The following ATP2A1 variants were observed in gnomAD, a reference collection of about 807,000 sequenced individuals.
The protein encoded by ATP2A1 is ATPase sarcoplasmic/endoplasmic reticulum Ca2+ transporting 1.
A neutral mutation model predicts 109.5 loss-of-function variants in ATP2A1; 83 were observed. The observed-to-expected ratio is 0.76, with a 90% CI of 0.63 to 0.91. ATP2A1 has a LOEUF of 0.91. Among genes scored for constraint, ATP2A1 ranks in the 40% least tolerant of loss-of-function variants. The pLI is 0.00. For missense variants in ATP2A1, 1,101 were observed against 1,341.0 expected, an observed-to-expected ratio of 0.82 and a Z score of 2.80; for synonymous variants, 505 against 537.6, an observed-to-expected ratio of 0.94 and a Z score of 0.84.
chr16:28,896,963 C>T (rs1389089275), intron 12 of ATP2A1, among the ~76,000 whole-genome samples: 1 of 151,878 alleles, frequency 6.6e-6, no homozygotes, highest in Non-Finnish European at 1.5e-5. Flanking sequence ...TGCCTGTAAT[C>T]CCAGCTACTT....
chr16:28,898,187 C>T lies in ATP2A1; in HGVS notation c.1546-46C>T, dbSNP rs1963970378. 2 of 1,614,168 alleles carry T rather than the reference C, an allele frequency of 1.2e-6. No individual in the cohort carries two copies. Among genetic ancestry groups the T allele is most frequent in the Non-Finnish European group, 8.5e-7 (1 of 1,180,014 alleles). On this transcript the variant is annotated intron_variant, in intron 13 of 22. Transcript: ENST00000395503. The surrounding 1 kb of genome is among the most constrained non-coding windows in gnomAD (Gnocchi z 4.0). ...CCTACTCCTAGCCACCTGTCACTGC[C>T]CTGGAAGGAAAGTGGTGGTCTCTGA...
chr16:28,900,477 ACCACTTCCTGACCTTTCACCCCAT>A, intron 14 of ATP2A1, 80 bp from the exon 15 acceptor site: 3 of 360,978 alleles, frequency 8.3e-6, no homozygotes, highest in Non-Finnish European at 1.3e-5. Context: ...ACCCCTCCCC[ACCACTTCCTGACCTTTCACCCCAT>A]CCCCACCCCC....
At chr16:28,884,491 G>A (rs1476456247) in intron 5 of ATP2A1, 84 bp from the exon 6 acceptor site, 12 of 1,309,430 alleles carry the variant, frequency 9.2e-6, no homozygotes, top group East Asian at 4.7e-5. Flanking sequence ...TGAGGAGAAC[G>A]AGTCAGACAC....
At position 28,902,856 on chromosome 16, in the gene ATP2A1, A is replaced by G. The variant is rs1210771990; in HGVS notation, c.2689A>G (p.Met897Val). The change falls in exon 19 of 23, where the codon ATG (methionine) becomes GTG (valine). Residue 897 changes from methionine (M) to valine (V), a missense_variant. By Grantham distance (21) the Met-to-Val change is conservative (BLOSUM62 1). Transcript: ENST00000395503. This position sits in a 1 kb window ranked among gnomAD's most constrained non-coding sequence, Gnocchi z 4.8. The part of the protein sequence containing the change: ...DCEVFEAPEP[M>V]TMALSVLVTI... ...TGAGGTCTTCGAGGCCCCCGAGCCC[A>G]TGACCATGGCCCTGTCCGTGCTGGT... 4.3e-6 allele frequency: 7 copies of G among 1,613,934 alleles called. No homozygotes were observed. The highest frequency in any genetic ancestry group is 5.9e-6 in the Non-Finnish European group (7 of 1,179,942).
At chr16:28,882,621 G>A (rs1234151501) in intron 5 of ATP2A1, 32 bp downstream of exon 5, 2 of 1,612,836 alleles carry the variant, frequency 1.2e-6, no homozygotes, top group African/African-American at 1.3e-5. Flanking sequence ...TCCAGGATGG[G>A]AGGCCTTGGG....
rs1043094049 is a variant in ATP2A1, at chr16:28,880,419, G to A, written c.220-496G>A. Among the ~76,000 whole-genome samples, 1 of 152,238 alleles carries A rather than the reference G, an allele frequency of 6.6e-6. No individual in the cohort carries two copies. The highest frequency in any genetic ancestry group is 1.5e-5 in the Non-Finnish European group (1 of 68,044). ...CCTTGACATTTGCCTGCTGCCTGGCGGTGGCAACAGCTGGGGCGGGGCGCG... is the reference window on the plus strand; with the variant it reads ...CCTTGACATTTGCCTGCTGCCTGGCAGTGGCAACAGCTGGGGCGGGGCGCG... On this transcript the variant is annotated intron_variant, in intron 3 of 22. Transcript: ENST00000395503. This position sits in a 1 kb window ranked among gnomAD's most constrained non-coding sequence, Gnocchi z 4.2.
intron 3 of ATP2A1, 51 bp downstream of exon 3, chr16:28,879,634 C>T (rs909302242): frequency 1.3e-6 from 2 of 1,555,934 alleles, no homozygotes; most frequent in Non-Finnish European, 1.8e-6. Flanking sequence ...AGGCTGGGAT[C>T]GGGCGAATGC....
chr16:28,887,119 GAGTT>G lies in ATP2A1; in HGVS notation c.545-67_545-64del. 2.0e-6 allele frequency: 3 copies of G among 1,501,294 alleles called. No individual in the cohort carries two copies. In the East Asian group the frequency reaches 6.8e-5, roughly 34 times the overall value. The allele number at this position is 1,501,294 out of a possible 1,614,324, so 93.0% of individuals were successfully genotyped here. A position where few individuals can be genotyped will look rare whatever the true frequency, so the allele number is the denominator to read the frequency against. Reference sequence around the variant, plus strand: ...GGAGCTGTCCTGCTGAGCAGGGAGAGAGTTAGGCACGGGAAGCCTGGGAGAAGGA... The same window carrying G: ...GGAGCTGTCCTGCTGAGCAGGGAGAGAGGCACGGGAAGCCTGGGAGAAGGA... On this transcript the variant is annotated intron_variant, in intron 6 of 22. Coordinates refer to ENST00000395503, the MANE Select transcript of ATP2A1 (RefSeq NM_004320.6).
At position 28,882,470 on chromosome 16, in the gene ATP2A1, C is replaced by CCAT; in HGVS notation, c.346_348dup (p.Ile116dup). 1 of 1,614,176 alleles carries CCAT rather than the reference C, an allele frequency of 6.2e-7. No individual in the cohort carries two copies. The highest frequency in any genetic ancestry group is 8.5e-7 in the Non-Finnish European group (1 of 1,180,038). ...CCTCAGGAGCGGAACGCAGAGAACG[C>CCAT]CATCGAGGCCCTGAAGGAGTATGAG... is the stretch of plus-strand genomic sequence containing the variant. On this transcript the variant is annotated inframe_insertion, in exon 5 of 23. Coordinates refer to ENST00000395503, the MANE Select transcript of ATP2A1 (RefSeq NM_004320.6).
At position 28,883,593 on chromosome 16, in the gene ATP2A1, G is replaced by A. The variant is rs116678982; in HGVS notation, c.464-982G>A. Among the ~76,000 whole-genome samples, 774 of 152,222 alleles carry A rather than the reference G, an allele frequency of 5.1e-3. 7 individuals carry two copies. Among genetic ancestry groups the A allele is most frequent in the African/African-American group, 0.018 (742 of 41,510 alleles). ...TGGGACCAGTGCGGAATTAGGCAGC[G>A]GCCCTGGGAGATTCTTAGCCTCCTC... On this transcript the variant is annotated intron_variant, in intron 5 of 22. Coordinates refer to ENST00000395503, the MANE Select transcript of ATP2A1 (RefSeq NM_004320.6). This position sits in a 1 kb window ranked among gnomAD's most constrained non-coding sequence, Gnocchi z 5.2.
At position 28,894,490 on chromosome 16, in the gene ATP2A1, T is replaced by C; in HGVS notation, c.1185-15T>C. The C allele has an allele frequency of 6.2e-7, 1 of 1,612,434 alleles. No individual in the cohort carries two copies. Among genetic ancestry groups the C allele is most frequent in the Non-Finnish European group, 8.5e-7 (1 of 1,179,360 alleles). On this transcript the variant is annotated splice_polypyrimidine_tract_variant and intron_variant, in intron 10 of 22. Coordinates refer to ENST00000395503, the MANE Select transcript of ATP2A1 (RefSeq NM_004320.6). ...CCACTGTCTCTGTCCCTTCCTCCCC[T>C]GACCCTGCTGCCAGCTTGAAGAATG...
At chr16:28,884,249 G>A (rs867006365) in intron 5 of ATP2A1, among the ~76,000 whole-genome samples, 1 of 152,240 alleles carries the variant, frequency 6.6e-6, no homozygotes, top group Middle Eastern at 3.4e-3. Context: ...CATTTATTGA[G>A]CATGTACTAT....
intron 7 of ATP2A1, 74 bp from the exon 8 acceptor site, chr16:28,887,351 A>G (rs773775957): frequency 3.1e-6 from 5 of 1,612,446 alleles, no homozygotes; most frequent in Admixed American, 3.3e-5. Context: ...GGCGTGTGAG[A>G]AGAGATGGCG....
At position 28,902,486 on chromosome 16, in the gene ATP2A1, T is replaced by G; in HGVS notation, c.2525-94T>G. ...GCAGGTGCTGAGAGGGTCTTCTTCC[T>G]TGGCCAGCCTGTCCATGGCCACATG... On this transcript the variant is annotated intron_variant, in intron 17 of 22. Transcript: ENST00000395503. The surrounding 1 kb of genome is among the most constrained non-coding windows in gnomAD (Gnocchi z 4.8). 1.3e-6 allele frequency: 2 copies of G among 1,566,124 alleles called. No homozygotes were observed. The highest frequency in any genetic ancestry group is 1.7e-6 in the Non-Finnish European group (2 of 1,145,008).
chr16:28,889,455 G>C (rs991040862), intron 9 of ATP2A1, among the ~76,000 whole-genome samples: 1 of 151,802 alleles, frequency 6.6e-6, no homozygotes, highest in Non-Finnish European at 1.5e-5. Context: ...GACAGGGTTC[G>C]CCATGTTGGC....
Position 28,898,384 on chromosome 16 carries a change from C to T in ATP2A1, c.1697C>T (p.Thr566Ile). ...ACCCTGCGCTGCTTGGCCCTGGCCA[C>T]CCGGGACACCCCCCCGAAGCGAGAG... Reference protein sequence around the residue: ...RDTLRCLALATRDTPPKREEM... With the variant: ...RDTLRCLALAIRDTPPKREEM... Residue 566 changes from threonine to isoleucine, a missense_variant, in exon 14 of 23, where the codon ACC becomes ATC. By Grantham distance (89) the Thr-to-Ile change is moderately conservative. Transcript: ENST00000395503. The surrounding 1 kb of genome is among the most constrained non-coding windows in gnomAD (Gnocchi z 4.0). The T allele has an allele frequency of 1.2e-6, 2 of 1,614,178 alleles. No individual in the cohort carries two copies. Among genetic ancestry groups the T allele is most frequent in the East Asian group, 4.5e-5 (2 of 44,882 alleles).
At position 28,903,338 on chromosome 16, in the gene ATP2A1, C is replaced by T. The variant is rs1252756407; in HGVS notation, c.2878C>T (p.Arg960Trp). 5 of 1,613,550 alleles carry T rather than the reference C, an allele frequency of 3.1e-6. No individual in the cohort carries two copies. The highest frequency in any genetic ancestry group is 2.2e-5 in the East Asian group (1 of 44,810). ...CCTGCCCCAGATGATCTTCAAGCTC[C>T]GGGCCCTGGACCTCACCCAGTGGCT... is the stretch of plus-strand genomic sequence containing the variant. ...VDPLPMIFKL[R>W]ALDLTQWLMV... The change falls in exon 21 of 23, where the codon CGG becomes TGG. Residue 960 changes from arginine (R) to tryptophan (W), a missense_variant. Coordinates refer to ENST00000395503, the MANE Select transcript of ATP2A1 (RefSeq NM_004320.6). The surrounding 1 kb of genome is among the most constrained non-coding windows in gnomAD (Gnocchi z 5.6).
At position 28,900,777 on chromosome 16, in the gene ATP2A1, C is replaced by A. The variant is rs148957878; in HGVS notation, c.1961C>A (p.Thr654Lys). ...ENEEVADRAYTGREFDDLPLA... is the reference protein window; with the variant it reads ...ENEEVADRAYKGREFDDLPLA... ...GAGGAGGTGGCCGATCGCGCCTACA[C>A]GGGCCGAGAGTTCGACGACCTGCCC... The change falls in exon 15 of 23, where the codon ACG (threonine) becomes AAG (lysine). Residue 654 changes from threonine (T) to lysine (K), a missense_variant. Physicochemically the swap from Thr to Lys is moderately conservative, Grantham distance 78 (BLOSUM62 -1). Transcript: ENST00000395503. The A allele has an allele frequency of 3.7e-6, 6 of 1,614,218 alleles. No homozygotes were observed. In the Admixed American group the frequency reaches 8.3e-5, roughly 22 times the overall value.
rs1963594890 is a variant in ATP2A1 at position 28,885,640 on chromosome 16, C to T, written c.544+985C>T. On this transcript the variant is annotated intron_variant, in intron 6 of 22. Transcript: ENST00000395503. ...TACAGGTGTGAGCCACCCACTGCACCTGACCTGCTTGACGTTTCCATTCTG... is the reference window on the plus strand; with the variant it reads ...TACAGGTGTGAGCCACCCACTGCACTTGACCTGCTTGACGTTTCCATTCTG... 2.0e-5 allele frequency among the ~76,000 whole-genome samples: 3 copies of T among 152,034 alleles called. No individual in the cohort carries two copies. In the South Asian group the frequency reaches 6.2e-4, roughly 31 times the overall value.
Sources: gnomAD v4.1 joint callset for allele counts (sites outside exome capture counted in the v4.1 genomes callset) on GRCh38, gnomAD v4.1.1 for gene constraint, Gnocchi (gnomAD v3.1) non-coding constraint, MANE v1.5 for transcripts, NCBI Gene and HGNC (gene_info 2026-07-23, HGNC 2026-07-21) for gene names.